SFMBT2: variants seen among roughly 807,000 people sequenced by gnomAD.
The protein encoded by SFMBT2 is scm-like with four MBT domains protein 2.
A neutral mutation model predicts 110.1 loss-of-function variants in SFMBT2; 38 were observed. The observed-to-expected ratio is 0.35, with a 90% CI of 0.27 to 0.45. The LOEUF (loss-of-function observed/expected upper bound fraction) is 0.45. Among genes scored for constraint, SFMBT2 ranks in the 20% least tolerant of loss-of-function variants. The pLI, the probability that SFMBT2 is intolerant of heterozygous loss-of-function variation, is 1.00. For missense variants in SFMBT2, 1,011 were observed against 1,094.9 expected, an observed-to-expected ratio of 0.92 and a Z score of 1.08; for synonymous variants, 425 against 425.4, an observed-to-expected ratio of 1.00 and a Z score of 0.01.
intron 20 of SFMBT2, among the ~76,000 whole-genome samples, chr10:7,166,565 G>C (rs189878836): frequency 6.6e-6 from 1 of 152,316 alleles, no homozygotes; most frequent in East Asian, 1.9e-4. Context: ...AGTGAACAAA[G>C]GAAAGGTTCC....
At chr10:7,214,457 G>T in intron 11 of SFMBT2, 1 of 660,552 alleles carries the variant, frequency 1.5e-6, no homozygotes, top group Non-Finnish European at 1.9e-6. Context: ...GATGCCACCG[G>T]ACAATTGCAG....
intron 4 of SFMBT2, among the ~76,000 whole-genome samples, chr10:7,321,216 T>TC: frequency 1.3e-5 from 2 of 151,636 alleles, no homozygotes; most frequent in East Asian, 3.9e-4. Context: ...TTTTTTTTTT[T>TC]TTTGAGACAG....
At chr10:7,306,939 C>T (rs1006010121) in intron 4 of SFMBT2, among the ~76,000 whole-genome samples, 1 of 152,140 alleles carries the variant, frequency 6.6e-6, no homozygotes, top group African/African-American at 2.4e-5. Context: ...GCTAAAATTA[C>T]CAAGCCACCA....
chr10:7,200,361 C>A, intron 14 of SFMBT2, 53 bp downstream of exon 14: 1 of 1,399,390 alleles, frequency 7.1e-7, no homozygotes, highest in Non-Finnish European at 9.6e-7. Context: ...CATGTCTCTG[C>A]TCCCGGCTGC....
intron 4 of SFMBT2, among the ~76,000 whole-genome samples, chr10:7,357,615 G>T (rs903150243): frequency 1.3e-5 from 2 of 152,168 alleles, no homozygotes; most frequent in African/African-American, 2.4e-5. Context: ...TTCTTGCTAT[G>T]TATGTACTGA....
chr10:7,353,920 T>C (rs1312509142), intron 4 of SFMBT2, among the ~76,000 whole-genome samples: 1 of 151,950 alleles, frequency 6.6e-6, no homozygotes, highest in East Asian at 1.9e-4. Context: ...ACCCTTTCTC[T>C]ACTAAATATA....
At chr10:7,193,861 C>T (rs1303352827) in intron 15 of SFMBT2, among the ~76,000 whole-genome samples, 2 of 152,172 alleles carry the variant, frequency 1.3e-5, no homozygotes, top group African/African-American at 2.4e-5. Flanking sequence ...TCATAGGAGG[C>T]GAGCAATCTC....
intron 4 of SFMBT2, among the ~76,000 whole-genome samples, chr10:7,324,452 G>A (rs1843310435): frequency 6.6e-6 from 1 of 152,156 alleles, no homozygotes; most frequent in Non-Finnish European, 1.5e-5. Context: ...CCAGGCAGGG[G>A]AGCTCCAAAA....
intron 11 of SFMBT2, among the ~76,000 whole-genome samples, chr10:7,212,943 A>G (rs1381104682): frequency 2.6e-5 from 4 of 152,230 alleles, no homozygotes; most frequent in Admixed American, 2.6e-4. Flanking sequence ...ACATGGATGA[A>G]GCTGGAAACC....
chr10:7,403,565 C>T (rs1032231947), intron 1 of SFMBT2, among the ~76,000 whole-genome samples: 18 of 152,110 alleles, frequency 1.2e-4, no homozygotes, highest in Admixed American at 3.9e-4. Flanking sequence ...TTGCTTGAAC[C>T]CAGGAGCCAG....
chr10:7,374,087 A>G (rs1272469905), intron 2 of SFMBT2, among the ~76,000 whole-genome samples: 1 of 152,028 alleles, frequency 6.6e-6, no homozygotes, highest in Non-Finnish European at 1.5e-5. Context: ...ACATGGTGAA[A>G]CCCATCTCTA....
At chr10:7,299,049 A>G (rs1842488017) in intron 4 of SFMBT2, among the ~76,000 whole-genome samples, 1 of 152,164 alleles carries the variant, frequency 6.6e-6, no homozygotes, top group Non-Finnish European at 1.5e-5. Context: ...CATCTCTACT[A>G]CAAAATACAA....
intron 4 of SFMBT2, among the ~76,000 whole-genome samples, chr10:7,296,814 G>T (rs981481520): frequency 4.6e-5 from 7 of 152,344 alleles, no homozygotes; most frequent in African/African-American, 1.7e-4. Context: ...CCTGACGTGG[G>T]TGGGCCTCAC....
chr10:7,340,025 A>G (rs1843840987), intron 4 of SFMBT2, among the ~76,000 whole-genome samples: 1 of 152,198 alleles, frequency 6.6e-6, no homozygotes, highest in Admixed American at 6.5e-5. Flanking sequence ...CTGACGGGGC[A>G]TGAGTGTGCA....
At chr10:7,191,441 G>A (rs989370248) in intron 15 of SFMBT2, among the ~76,000 whole-genome samples, 3 of 152,184 alleles carry the variant, frequency 2.0e-5, no homozygotes, top group Admixed American at 1.3e-4. Context: ...AACCGCCAGG[G>A]CGATCCTTTC....
intron 4 of SFMBT2, among the ~76,000 whole-genome samples, chr10:7,332,842 A>G (rs1296683575): frequency 6.6e-6 from 1 of 152,174 alleles, no homozygotes; most frequent in Non-Finnish European, 1.5e-5. Context: ...GAGAAATTAC[A>G]CAGTGAGTCT....
At chr10:7,348,204 G>A in intron 4 of SFMBT2, 1 of 1,181,312 alleles carries the variant, frequency 8.5e-7, no homozygotes, top group Non-Finnish European at 1.1e-6. Context: ...GTTTATGTTT[G>A]AGGGTGGTGG....
At chr10:7,404,552 C>T (rs942806843) in intron 1 of SFMBT2, among the ~76,000 whole-genome samples, 3 of 152,244 alleles carry the variant, frequency 2.0e-5, no homozygotes, top group African/African-American at 7.2e-5. Flanking sequence ...ATTTGTCCTA[C>T]TTTGCAGAAG....
intron 4 of SFMBT2, among the ~76,000 whole-genome samples, chr10:7,297,081 G>A (rs971516739): frequency 1.3e-5 from 2 of 152,154 alleles, no homozygotes; most frequent in Non-Finnish European, 2.9e-5. Context: ...CTACTTCTTT[G>A]GAGAATCCTA....
Sources: allele counts gnomAD v4.1 joint callset (sites outside exome capture counted in the v4.1 genomes callset), GRCh38; gene constraint gnomAD v4.1.1; transcripts MANE v1.5; gene names NCBI Gene and HGNC (gene_info 2026-07-23, HGNC 2026-07-21).